NUP107: variants seen among roughly 807,000 people sequenced by gnomAD.
NUP107 encodes nucleoporin 107.
NUP107 carries 101 observed loss-of-function variants against 141.0 expected under a neutral mutation model. That is an observed-to-expected ratio of 0.72 (90% CI 0.61 to 0.84). NUP107 has a LOEUF of 0.84. Ranked by LOEUF, NUP107 falls within the 40% of genes least tolerant of loss-of-function variation. The probability of loss-of-function intolerance (pLI) is 0.00; values close to 1 mark genes in which losing one functional copy is unlikely to be tolerated. For synonymous variants in NUP107, 319 were observed against 363.9 expected, an observed-to-expected ratio of 0.88 and a Z score of 1.41; for missense variants, 941 against 1,102.7, an observed-to-expected ratio of 0.85 and a Z score of 2.08.
chr12:68,699,653 T>TATTCACTTTGTG (rs1204695540), intron 6 of NUP107, among the ~76,000 whole-genome samples: 1 of 152,186 alleles, frequency 6.6e-6, no homozygotes, highest in Non-Finnish European at 1.5e-5. Flanking sequence ...AAGACAGTAG[T>TATTCACTTTGTG]AACATTACTT....
chr12:68,731,278 C>G lies in NUP107; in HGVS notation c.1885+18C>G, dbSNP rs1555179226. 14 of 1,585,536 alleles carry G rather than the reference C, an allele frequency of 8.8e-6. No individual in the cohort carries two copies. The South Asian group carries it at 1.3e-4, about 15-fold the overall frequency. On this transcript the variant is annotated intron_variant, in intron 21 of 27. Coordinates refer to ENST00000229179, the MANE Select transcript of NUP107 (RefSeq NM_020401.4). ...AGAAGCAGGTAAAAATGGTTGAAAA[C>G]TTTGTCTTTTGGCCTTTCTAGGCAA...
rs183373048 is a variant in NUP107, at chr12:68,711,419, G to T, written c.890+1326G>T. Among the ~76,000 whole-genome samples the T allele has an allele frequency of 2.7e-5, 4 of 150,840 alleles. No individual in the cohort carries two copies. The East Asian group carries it at 7.8e-4, about 29-fold the overall frequency. On this transcript the variant is annotated intron_variant, in intron 10 of 27. Transcript: ENST00000229179. ...GATTGTTTTTAAAGTAGGAGATCCT[G>T]AATTCTGTATTTAAATACTGATATG...
At chr12:68,699,688 A>G (rs1876233915) in intron 6 of NUP107, among the ~76,000 whole-genome samples, 1 of 152,186 alleles carries the variant, frequency 6.6e-6, no homozygotes, top group African/African-American at 2.4e-5. Flanking sequence ...AAGGGGTGGG[A>G]AAACCCATTG....
intron 5 of NUP107, among the ~76,000 whole-genome samples, chr12:68,693,559 G>C (rs189328917): frequency 1.3e-5 from 2 of 152,302 alleles, no homozygotes; most frequent in African/African-American, 4.8e-5. Flanking sequence ...TCTTGGCAGG[G>C]TTGGTTTTCT....
At chr12:68,704,116 A>G (rs1056328896) in intron 8 of NUP107, among the ~76,000 whole-genome samples, 1 of 152,176 alleles carries the variant, frequency 6.6e-6, no homozygotes, top group East Asian at 1.9e-4. Context: ...TTCTTCATAC[A>G]TATATATGTG....
At chr12:68,718,932 A>G (rs1293319966) in intron 12 of NUP107, among the ~76,000 whole-genome samples, 1 of 152,164 alleles carries the variant, frequency 6.6e-6, no homozygotes, top group Non-Finnish European at 1.5e-5. Flanking sequence ...TCTGTCATCC[A>G]GGCTGGAGTG....
intron 26 of NUP107, among the ~76,000 whole-genome samples, chr12:68,735,633 A>G (rs1194422285): frequency 6.6e-6 from 1 of 152,250 alleles, no homozygotes; most frequent in Non-Finnish European, 1.5e-5. Context: ...CTCCATTTAC[A>G]GATATAAAGA....
chr12:68,688,181 T>G (rs911623086), intron 1 of NUP107, among the ~76,000 whole-genome samples: 1 of 134,778 alleles, frequency 7.4e-6, no homozygotes, highest in Admixed American at 7.4e-5. Flanking sequence ...GAGAGCTATC[T>G]GAAGGTTTTT....
chr12:68,719,117 G>A (rs947017142), intron 12 of NUP107, among the ~76,000 whole-genome samples: 4 of 152,184 alleles, frequency 2.6e-5, no homozygotes, highest in South Asian at 2.1e-4. Context: ...TGGAACTCCT[G>A]ACCTCAGGTG....
At chr12:68,698,027 C>CAA (rs923201946) in intron 6 of NUP107, among the ~76,000 whole-genome samples, 5 of 93,620 alleles carry the variant, frequency 5.3e-5, no homozygotes, top group African/African-American at 1.2e-4. Flanking sequence ...GACTCCATCT[C>CAA]AAAAAAAAAA....
At position 68,731,203 on chromosome 12, in the gene NUP107, G is replaced by T; in HGVS notation, c.1828G>T (p.Glu610Ter). Reference sequence around the variant, plus strand: ...TGTTGCCCAGTATGCATTATTTTTGGAAAGTGTTACAGAATTTGAACAGCG... The same window carrying T: ...TGTTGCCCAGTATGCATTATTTTTGTAAAGTGTTACAGAATTTGAACAGCG... The part of the protein sequence containing the change: ...LAVAQYALFL[E>*]SVTEFEQRHH... The change falls in exon 21 of 28, where the codon GAA becomes TAA. Residue 610 changes from glutamate to a stop codon, truncating the protein, a stop_gained. Transcript: ENST00000229179. LOFTEE classifies it high-confidence loss of function. 1 of 1,612,560 alleles carries T rather than the reference G, an allele frequency of 6.2e-7. No individual in the cohort carries two copies. The highest frequency in any genetic ancestry group is 1.1e-5 in the South Asian group (1 of 90,812).
At chr12:68,740,162 T>C (rs1284382356) in intron 26 of NUP107, 1 of 152,242 alleles carries the variant, frequency 6.6e-6, no homozygotes, top group African/African-American at 2.4e-5. Flanking sequence ...AGTAACCTGC[T>C]GCTTTTCGGG....
Position 68,692,510 on chromosome 12 carries a change from CAG to C in NUP107, c.448+401_448+402del, listed in dbSNP as rs1875853187. On this transcript the variant is annotated intron_variant, in intron 5 of 27. Transcript: ENST00000229179. ...AGGAGAATCGCTTGAACCCGGGAGG[CAG>C]AGTTTGCAGTGAGCTGAGATCGCAC... Among the ~76,000 whole-genome samples, 3 of 150,836 alleles carry C rather than the reference CAG, an allele frequency of 2.0e-5. No homozygotes were observed. The South Asian group carries it at 6.3e-4, about 32-fold the overall frequency.
At chr12:68,728,054 G>T (rs1358098783) in intron 20 of NUP107, among the ~76,000 whole-genome samples, 7 of 152,114 alleles carry the variant, frequency 4.6e-5, no homozygotes, top group South Asian at 2.1e-4. Flanking sequence ...AGGCAGAGGC[G>T]AGAGGACTGC....
chr12:68,692,323 A>G (rs980627885), intron 5 of NUP107, among the ~76,000 whole-genome samples: 3 of 151,914 alleles, frequency 2.0e-5, no homozygotes, highest in African/African-American at 7.3e-5. Context: ...GCTCATGCCT[A>G]TAATCCTAGC....
At chr12:68,738,868 C>A (rs776771842) in intron 26 of NUP107, among the ~76,000 whole-genome samples, 8 of 152,162 alleles carry the variant, frequency 5.3e-5, no homozygotes, top group Non-Finnish European at 1.2e-4. Flanking sequence ...AAAATACATG[C>A]GACTGTCTTA....
At chr12:68,728,018 C>G (rs1020000585) in intron 20 of NUP107, among the ~76,000 whole-genome samples, 1 of 152,106 alleles carries the variant, frequency 6.6e-6, no homozygotes, top group Non-Finnish European at 1.5e-5. Flanking sequence ...CGAGGTGGCT[C>G]ATACCGGTAA....
intron 27 of NUP107, 68 bp downstream of exon 27, chr12:68,742,048 G>A (rs1467468764): frequency 8.1e-7 from 1 of 1,238,638 alleles, no homozygotes; most frequent in Admixed American, 2.4e-5. Context: ...TATTAATTTT[G>A]TGAAGATGTG....
At chr12:68,707,728 G>C (rs974155095) in intron 8 of NUP107, among the ~76,000 whole-genome samples, 1 of 152,154 alleles carries the variant, frequency 6.6e-6, no homozygotes, top group African/African-American at 2.4e-5. Flanking sequence ...ACATAATCTA[G>C]AGATGATTTT....
Sources: allele counts gnomAD v4.1 joint callset (sites outside exome capture counted in the v4.1 genomes callset), GRCh38; gene constraint gnomAD v4.1.1; transcripts MANE v1.5; gene names NCBI Gene and HGNC (gene_info 2026-07-23, HGNC 2026-07-21).